Variants in ASAP1 observed in about 807,000 individuals in gnomAD.
ASAP1 encodes the protein ArfGAP with SH3 domain, ankyrin repeat and PH domain 1.
In ASAP1, 43 loss-of-function variants were observed where a neutral mutation model predicts 145.2. That is an observed-to-expected ratio of 0.30 (90% confidence interval 0.23 to 0.38). The LOEUF is 0.38. ASAP1 is among the 10% of genes least tolerant of loss of function. The pLI is 1.00. For missense variants in ASAP1, 1,018 were observed against 1,355.3 expected, an observed-to-expected ratio of 0.75 and a Z score of 3.91; for synonymous variants, 546 against 515.5, an observed-to-expected ratio of 1.06 and a Z score of -0.80.
intron 27 of ASAP1, among the ~76,000 whole-genome samples, chr8:130,064,639 C>T (rs76414506): frequency 0.019 from 2,923 of 152,204 alleles, 95 homozygotes; most frequent in African/African-American, 0.065. Flanking sequence ...CACCAAGCAG[C>T]GGATACCAGC....
At chr8:130,160,128 G>C in intron 11 of ASAP1, 164 bp from the exon 12 acceptor site, 1 of 608,252 alleles carries the variant, frequency 1.6e-6, no homozygotes, top group East Asian at 2.9e-5. Flanking sequence ...AAACAGGGCA[G>C]CTAAACACTT....
intron 3 of ASAP1, among the ~76,000 whole-genome samples, chr8:130,245,480 T>A (rs886549708): frequency 6.6e-6 from 1 of 152,114 alleles, no homozygotes; most frequent in Non-Finnish European, 1.5e-5. Flanking sequence ...ACAGTTCAGA[T>A]CCTTGGCAAA....
chr8:130,429,286 C>G (rs573800965), intron 1 of ASAP1, among the ~76,000 whole-genome samples: 1 of 152,286 alleles, frequency 6.6e-6, no homozygotes, highest in South Asian at 2.1e-4. Flanking sequence ...GGACACAATT[C>G]AACCTGTAAC....
chr8:130,300,153 C>CAGAG lies in ASAP1; in HGVS notation c.186+57860_186+57863dup, dbSNP rs369720584. Among the ~76,000 whole-genome samples, 337 of 76,900 alleles carry CAGAG rather than the reference C, an allele frequency of 4.4e-3. 9 individuals carry two copies. Among genetic ancestry groups the CAGAG allele is most frequent in the Middle Eastern group, 0.015 (2 of 134 alleles). 50.4% of individuals were successfully genotyped at this position (76,900 alleles called of 152,430 possible). ...ACACACACACACACACACACACACA[C>CAGAG]AGAGAGAGAGAGAGAGAGAGAGAGA... On this transcript the variant is annotated intron_variant, in intron 3 of 29. Transcript: ENST00000518721.
intron 3 of ASAP1, among the ~76,000 whole-genome samples, chr8:130,276,710 ACACACACACACACACACACT>A (rs1820907208): frequency 7.8e-6 from 1 of 128,844 alleles, no homozygotes; most frequent in Non-Finnish European, 1.6e-5. Context: ...ACACACACAC[ACACACACACACACACACACT>A]CTCTCTCTCT....
chr8:130,330,664 G>A (rs555768189), intron 3 of ASAP1, among the ~76,000 whole-genome samples: 2 of 152,330 alleles, frequency 1.3e-5, no homozygotes, highest in East Asian at 3.9e-4. Context: ...TTTGTCTTAC[G>A]GGTAAGCTTT....
intron 2 of ASAP1, among the ~76,000 whole-genome samples, chr8:130,400,136 T>A (rs1181219137): frequency 2.0e-5 from 3 of 152,136 alleles, no homozygotes; most frequent in Non-Finnish European, 4.4e-5. Flanking sequence ...CGGTGTCTTG[T>A]GTGAGATCAC....
intron 4 of ASAP1, among the ~76,000 whole-genome samples, chr8:130,216,910 C>CT (rs1490349853): frequency 1.3e-5 from 2 of 152,364 alleles, no homozygotes; most frequent in Non-Finnish European, 2.9e-5. Context: ...TCTGTTGCTA[C>CT]TTTTGCCTCC....
chr8:130,414,074 A>G (rs1587001159), intron 1 of ASAP1, among the ~76,000 whole-genome samples: 2 of 152,204 alleles, frequency 1.3e-5, no homozygotes, highest in East Asian at 3.8e-4. Flanking sequence ...CTGGATAGTG[A>G]GTGGCTTCAT....
chr8:130,228,343 T>A (rs982571905), intron 4 of ASAP1, among the ~76,000 whole-genome samples: 1 of 152,096 alleles, frequency 6.6e-6, no homozygotes, highest in Non-Finnish European at 1.5e-5. Flanking sequence ...GTGGACAAGA[T>A]AATGAGGGCC....
intron 3 of ASAP1, among the ~76,000 whole-genome samples, chr8:130,329,886 C>G (rs1022826101): frequency 1.3e-5 from 2 of 152,216 alleles, no homozygotes; most frequent in South Asian, 4.1e-4. Flanking sequence ...TGGAGCAACA[C>G]AGTCTTATTT....
At chr8:130,432,701 C>A (rs1259839742) in intron 1 of ASAP1, among the ~76,000 whole-genome samples, 2 of 152,092 alleles carry the variant, frequency 1.3e-5, no homozygotes, top group East Asian at 3.9e-4. Flanking sequence ...CATGCTAACC[C>A]CAGTACGTCC....
At chr8:130,080,229 T>C (rs549439026) in intron 25 of ASAP1, among the ~76,000 whole-genome samples, 2 of 152,286 alleles carry the variant, frequency 1.3e-5, no homozygotes, top group South Asian at 2.1e-4. Flanking sequence ...TCAAAGAGCA[T>C]AGAAACTTGG....
At position 130,358,265 on chromosome 8, in the gene ASAP1, C is replaced by T; in HGVS notation, c.60-122G>A. 1.4e-6 allele frequency: 1 copy of T among 714,396 alleles called. No homozygotes were observed. Among genetic ancestry groups the T allele is most frequent in the Non-Finnish European group, 1.8e-6 (1 of 559,900 alleles). 44.3% of individuals were successfully genotyped at this position (714,396 alleles called of 1,614,324 possible). A position where few individuals can be genotyped will look rare whatever the true frequency, so the allele number is the denominator to read the frequency against. On this transcript the variant is annotated intron_variant, in intron 2 of 29. Transcript: ENST00000518721. The surrounding 1 kb of genome is among the most constrained non-coding windows in gnomAD (Gnocchi z 4.1). ...CGCAGCCCGCCACCCGCCGCCCGGC[C>T]TGGCGCGCGGCTCCCGTCCCCGGCA...
chr8:130,391,325 T>C (rs1191931905), intron 2 of ASAP1, among the ~76,000 whole-genome samples: 1 of 152,144 alleles, frequency 6.6e-6, no homozygotes, highest in Non-Finnish European at 1.5e-5. Flanking sequence ...AATTTCAATT[T>C]TGCAAGATGA....
chr8:130,365,149 A>G (rs1417842171), intron 2 of ASAP1, among the ~76,000 whole-genome samples: 1 of 152,210 alleles, frequency 6.6e-6, no homozygotes, highest in East Asian at 1.9e-4. Flanking sequence ...TTGGCCTTTT[A>G]CAAGCACCAT....
At chr8:130,276,728 A>ACACACACACACTCTCTCTCTCTCTCTCT (rs548512902) in intron 3 of ASAP1, among the ~76,000 whole-genome samples, 2 of 87,316 alleles carry the variant, frequency 2.3e-5, no homozygotes, top group Non-Finnish European at 4.4e-5. Context: ...ACACACACAC[A>ACACACACACACTCTCTCTCTCTCTCTCT]CTCTCTCTCT....
At chr8:130,431,487 T>A (rs1830133232) in intron 1 of ASAP1, among the ~76,000 whole-genome samples, 1 of 152,188 alleles carries the variant, frequency 6.6e-6, no homozygotes, top group Non-Finnish European at 1.5e-5. Flanking sequence ...ACCATTCACA[T>A]CCTTGCTGAG....
chr8:130,212,736 A>G (rs2136413836), intron 5 of ASAP1, among the ~76,000 whole-genome samples: 1 of 152,328 alleles, frequency 6.6e-6, no homozygotes, highest in Non-Finnish European at 1.5e-5. Flanking sequence ...GTATTAGGTG[A>G]GCAAACGCAG....
Sources: allele counts gnomAD v4.1 joint callset (sites outside exome capture counted in the v4.1 genomes callset), GRCh38; gene constraint gnomAD v4.1.1; non-coding constraint Gnocchi (gnomAD v3.1); transcripts MANE v1.5; gene names NCBI Gene and HGNC (gene_info 2026-07-23, HGNC 2026-07-21).